The following RANBP6 variants were observed in gnomAD, a reference collection of about 807,000 sequenced individuals.
RANBP6 encodes the protein RAN binding protein 6.
In RANBP6, 10 loss-of-function variants were observed where a neutral mutation model predicts 35.3. That is an observed-to-expected ratio of 0.28 (90% CI 0.17 to 0.48). The LOEUF (loss-of-function observed/expected upper bound fraction) is 0.48, where lower values mean the gene tolerates loss of function less well. Ranked by LOEUF, RANBP6 falls within the 20% of genes least tolerant of loss-of-function variation. RANBP6 has a pLI of 0.99. For synonymous variants in RANBP6, 514 were observed against 464.2 expected, an observed-to-expected ratio of 1.11 and a Z score of -1.38; for missense variants, 1,392 against 1,307.7, an observed-to-expected ratio of 1.06 and a Z score of -0.99.
In RANBP6 at chr9:6,015,594, G is replaced by T. The variant is rs754376396; in HGVS notation, c.14C>A (p.Ala5Glu). ...CACGGTCGCCGGCACCCCTGCAGAC[G>T]CGGTTGCCGCCATTGCGCTCTGTCA... MAATASAGVPATVSE... is the reference protein window; with the variant it reads MAATESAGVPATVSE... The change falls in exon 1 of 1, where the codon GCG becomes GAG. Residue 5 changes from alanine to glutamate, a missense_variant. Transcript: ENST00000259569. 8 of 1,595,812 alleles carry T rather than the reference G, an allele frequency of 5.0e-6. No individual in the cohort carries two copies. In the East Asian group the frequency reaches 1.8e-4, roughly 36 times the overall value.
chr9:6,015,020 T>C lies in RANBP6; in HGVS notation c.588A>G (p.Ala196=). 6.2e-7 allele frequency: 1 copy of C among 1,614,230 alleles called. No individual in the cohort carries two copies. The highest frequency in any genetic ancestry group is 8.5e-7 in the Non-Finnish European group (1 of 1,180,038). ...CAGCTCTAGCGGATAATGTCCTGATTGCTGGATGTTCTTGATCTTGAATAC... is the reference window on the plus strand; with the variant it reads ...CAGCTCTAGCGGATAATGTCCTGATCGCTGGATGTTCTTGATCTTGAATAC... ...DQCIQDQEHP[A]IRTLSARAAA... Residue 196 remains alanine, a synonymous_variant, in exon 1 of 1, where the codon GCA becomes GCG. Transcript: ENST00000259569.
chr9:6,014,162 A>G lies in RANBP6; in HGVS notation c.1446T>C (p.Pro482=). The change falls in exon 1 of 1, where the codon CCT becomes CCC. Residue 482 remains proline, a synonymous_variant. Coordinates refer to ENST00000259569, the MANE Select transcript of RANBP6 (RefSeq NM_012416.4). ...CCACATATAGAACTAGCAATGATTT[A>G]GGGCAGTCTTCAATAAAAATAATAA... is the stretch of plus-strand genomic sequence containing the variant. The part of the protein sequence containing the change: ...SALIIFIEDC[P]KSLLVLYVDS... 1 of 1,613,902 alleles carries G rather than the reference A, an allele frequency of 6.2e-7. No individual in the cohort carries two copies. The highest frequency in any genetic ancestry group is 1.7e-5 in the Admixed American group (1 of 59,988).
At position 6,015,093 on chromosome 9, in the gene RANBP6, G is replaced by C; in HGVS notation, c.515C>G (p.Thr172Ser). The part of the protein sequence containing the change: ...VFWHFPGIFG[T>S]QERHDLDIIK... ...GATATCCAAATCATGCCGCTCTTGG[G>C]TCCCAAAAATCCCAGGAAAGTGCCA... Residue 172 changes from threonine (T) to serine (S), a missense_variant, in exon 1 of 1, where the codon ACC (threonine) becomes AGC (serine). By Grantham distance (58) the Thr-to-Ser change is moderately conservative. Coordinates refer to ENST00000259569, the MANE Select transcript of RANBP6 (RefSeq NM_012416.4). The C allele has an allele frequency of 6.2e-7, 1 of 1,614,092 alleles. No homozygotes were observed. Among genetic ancestry groups the C allele is most frequent in the Non-Finnish European group, 8.5e-7 (1 of 1,180,024 alleles).
chr9:6,014,543 A>T lies in RANBP6; in HGVS notation c.1065T>A (p.Ala355=). ...VAAESALDRL[A]CGLGGKVVLP... ...AAACAACTTTTCCACCAAGCCCACA[A>T]GCCAGTCTGTCTAGTGCACTCTCCG... Residue 355 remains alanine (A), a synonymous_variant, in exon 1 of 1, where the codon GCT becomes GCA. Coordinates refer to ENST00000259569, the MANE Select transcript of RANBP6 (RefSeq NM_012416.4). 1 of 1,614,214 alleles carries T rather than the reference A, an allele frequency of 6.2e-7. No individual in the cohort carries two copies. Among genetic ancestry groups the T allele is most frequent in the Non-Finnish European group, 8.5e-7 (1 of 1,180,032 alleles).
Position 6,015,130 on chromosome 9 carries a change from G to A in RANBP6, c.478C>T (p.Leu160Phe). The change falls in exon 1 of 1, where the codon CTT becomes TTT. Residue 160 changes from leucine (L) to phenylalanine (F), a missense_variant. Coordinates refer to ENST00000259569, the MANE Select transcript of RANBP6 (RefSeq NM_012416.4). Reference sequence around the variant, plus strand: ...CCAGGAAAGTGCCAGAAAACGTGAAGTGCAACTTCCCATAGAACCACATTT... The same window carrying A: ...CCAGGAAAGTGCCAGAAAACGTGAAATGCAACTTCCCATAGAACCACATTT... ...SKNVVLWEVA[L>F]HVFWHFPGIF... 1 of 1,614,116 alleles carries A rather than the reference G, an allele frequency of 6.2e-7. No individual in the cohort carries two copies. The highest frequency in any genetic ancestry group is 8.5e-7 in the Non-Finnish European group (1 of 1,180,034).
In RANBP6 at chr9:6,014,069, A is replaced by G; in HGVS notation, c.1539T>C (p.Thr513=). 6.2e-7 allele frequency: 1 copy of G among 1,614,014 alleles called. No individual in the cohort carries two copies. The highest frequency in any genetic ancestry group is 8.5e-7 in the Non-Finnish European group (1 of 1,179,998). Reference sequence around the variant, plus strand: ...TCACAAGTTGTTCCAAAGCCAACTTAGTTCCATTCCGAATCAACTCTTGAA... The same window carrying G: ...TCACAAGTTGTTCCAAAGCCAACTTGGTTCCATTCCGAATCAACTCTTGAA... The part of the protein sequence containing the change: ...IKLQELIRNG[T]KLALEQLVTT... Residue 513 remains threonine, a synonymous_variant, in exon 1 of 1, where the codon ACT becomes ACC. Coordinates refer to ENST00000259569, the MANE Select transcript of RANBP6 (RefSeq NM_012416.4).
In RANBP6 at chr9:6,014,505, T is replaced by C. The variant is rs1265660834; in HGVS notation, c.1103A>G (p.Lys368Arg). ...LGGKVVLPMT[K>R]EHIMQMLQSP... ...CTGAAGCATCTGCATGATATGCTCCTTGGTCATTGGTAAAACAACTTTTCC... is the reference window on the plus strand; with the variant it reads ...CTGAAGCATCTGCATGATATGCTCCCTGGTCATTGGTAAAACAACTTTTCC... The change falls in exon 1 of 1, where the codon AAG (lysine) becomes AGG (arginine). Residue 368 changes from lysine to arginine, a missense_variant. Transcript: ENST00000259569. 1.2e-6 allele frequency: 2 copies of C among 1,614,218 alleles called. No individual in the cohort carries two copies. Among genetic ancestry groups the C allele is most frequent in the South Asian group, 1.1e-5 (1 of 91,086 alleles).
rs1183150714 is a variant in RANBP6, at chr9:6,014,176, T to C, written c.1432A>G (p.Ile478Val). Residue 478 changes from isoleucine to valine, a missense_variant, in exon 1 of 1, where the codon ATT becomes GTT. By Grantham distance (29) the Ile-to-Val change is conservative. Transcript: ENST00000259569. ...AGCAATGATTTAGGGCAGTCTTCAA[T>C]AAAAATAATAAGAGCAGAAGCTGCA... ...SHAASALIIF[I>V]EDCPKSLLVL... 2 of 1,613,714 alleles carry C rather than the reference T, an allele frequency of 1.2e-6. No homozygotes were observed. Among genetic ancestry groups the C allele is most frequent in the Admixed American group, 1.7e-5 (1 of 59,970 alleles).
rs960279950 is a variant in RANBP6 at position 6,012,686 on chromosome 9, G to C, written c.2922C>G (p.Val974=). The change falls in exon 1 of 1, where the codon GTC becomes GTG. Residue 974 remains valine, a synonymous_variant. Coordinates refer to ENST00000259569, the MANE Select transcript of RANBP6 (RefSeq NM_012416.4). Reference sequence around the variant, plus strand: ...CTGAGATACAGTTCTCTGTAGCAATGACATTTTTTTTGGTTTTGGAATTTG... The same window carrying C: ...CTGAGATACAGTTCTCTGTAGCAATCACATTTTTTTTGGTTTTGGAATTTG... ...KCANSKTKKN[V]IATENCISAI... 1.9e-6 allele frequency: 3 copies of C among 1,613,754 alleles called. No individual in the cohort carries two copies. The highest frequency in any genetic ancestry group is 2.5e-6 in the Non-Finnish European group (3 of 1,179,954).
In RANBP6 at chr9:6,014,285, A is replaced by C; in HGVS notation, c.1323T>G (p.Asn441Lys). Reference protein sequence around the residue: ...LGQMATDFAPNFQKKFHETVI... With the variant: ...LGQMATDFAPKFQKKFHETVI... Reference sequence around the variant, plus strand: ...CTGTTTCATGAAATTTCTTTTGGAAATTAGGTGCAAAATCTGTAGCCATCT... The same window carrying C: ...CTGTTTCATGAAATTTCTTTTGGAACTTAGGTGCAAAATCTGTAGCCATCT... The change falls in exon 1 of 1, where the codon AAT becomes AAG. Residue 441 changes from asparagine to lysine, a missense_variant. Asn to Lys is a moderately conservative substitution (Grantham distance 94). Coordinates refer to ENST00000259569, the MANE Select transcript of RANBP6 (RefSeq NM_012416.4). The C allele has an allele frequency of 1.2e-6, 2 of 1,614,244 alleles. No individual in the cohort carries two copies. The highest frequency in any genetic ancestry group is 1.7e-6 in the Non-Finnish European group (2 of 1,180,044).
chr9:6,011,477 A>G lies in RANBP6; in HGVS notation c.*813T>C, dbSNP rs1842468823. 6.6e-6 allele frequency: 1 copy of G among 152,224 alleles called. No homozygotes were observed. Among genetic ancestry groups the G allele is most frequent in the Admixed American group, 6.5e-5 (1 of 15,286 alleles). 9.4% of individuals were successfully genotyped at this position (152,224 alleles called of 1,614,324 possible). ...TTGTTGAGCTGCTTTGCAGGGAGAA[A>G]ATGGCATACATATACAAAATAATAC... On this transcript the variant is annotated 3_prime_UTR_variant, in exon 1 of 1. Transcript: ENST00000259569.
Position 6,012,154 on chromosome 9 carries a change from C to G in RANBP6, c.*136G>C, listed in dbSNP as rs1842482442. On this transcript the variant is annotated 3_prime_UTR_variant, in exon 1 of 1. Coordinates refer to ENST00000259569, the MANE Select transcript of RANBP6 (RefSeq NM_012416.4). ...AACAGAGGACTAACACTGATTAATTCTGGAGAAACATGGAGAAGAACTATA... is the reference window on the plus strand; with the variant it reads ...AACAGAGGACTAACACTGATTAATTGTGGAGAAACATGGAGAAGAACTATA... 7.6e-6 allele frequency: 5 copies of G among 656,170 alleles called. No homozygotes were observed. In the East Asian group the frequency reaches 1.5e-4, roughly 19 times the overall value. The allele number at this position is 656,170 out of a possible 1,614,324, so 40.6% of individuals were successfully genotyped here.
At position 6,014,639 on chromosome 9, in the gene RANBP6, T is replaced by C. The variant is rs1347165973; in HGVS notation, c.969A>G (p.Leu323=). 3.1e-6 allele frequency: 5 copies of C among 1,614,214 alleles called. No individual in the cohort carries two copies. The highest frequency in any genetic ancestry group is 1.1e-5 in the South Asian group (1 of 91,088). The change falls in exon 1 of 1, where the codon CTA becomes CTG. Residue 323 remains leucine (L), a synonymous_variant. Transcript: ENST00000259569. ...CATTTACCCAGTCCTCATCATCTTG[T>C]AGATCAACCATCATTGCTAATATAT... The part of the protein sequence containing the change: ...VPHILAMMVD[L]QDDEDWVNAD...
chr9:6,015,422 T>C lies in RANBP6; in HGVS notation c.186A>G (p.Ala62=). ...FLLDAVRNRR[A]GYEVRQMAAA... is the part of the protein sequence containing the mutation. ...CAGCCATTTGTCTCACCTCATAACC[T>C]GCTCTTCTATTTCTGACGGCATCTA... is the stretch of plus-strand genomic sequence containing the variant. The change falls in exon 1 of 1, where the codon GCA becomes GCG. Residue 62 remains alanine, a synonymous_variant. Transcript: ENST00000259569. 2 of 1,614,190 alleles carry C rather than the reference T, an allele frequency of 1.2e-6. No individual in the cohort carries two copies. Among genetic ancestry groups the C allele is most frequent in the Non-Finnish European group, 1.7e-6 (2 of 1,180,026 alleles).
rs375623448 is a variant in RANBP6 at position 6,015,612 on chromosome 9, C to T, written c.-5G>A. On this transcript the variant is annotated 5_prime_UTR_variant, in exon 1 of 1. Coordinates refer to ENST00000259569, the MANE Select transcript of RANBP6 (RefSeq NM_012416.4). ...TGCAGACGCGGTTGCCGCCATTGCGCTCTGTCAAAGCTACCGCGACCGGGA... is the reference window on the plus strand; with the variant it reads ...TGCAGACGCGGTTGCCGCCATTGCGTTCTGTCAAAGCTACCGCGACCGGGA... 111 of 1,587,856 alleles carry T rather than the reference C, an allele frequency of 7.0e-5. No individual in the cohort carries two copies. Among genetic ancestry groups the T allele is most frequent in the East Asian group, 1.3e-4 (6 of 44,842 alleles).
rs1288401991 is a variant in RANBP6 at position 6,014,554 on chromosome 9, C to T, written c.1054G>A (p.Asp352Asn). Reference protein sequence around the residue: ...SNAVAAESALDRLACGLGGKV... With the variant: ...SNAVAAESALNRLACGLGGKV... ...CCACCAAGCCCACAAGCCAGTCTGTCTAGTGCACTCTCCGCAGCAACTGCA... is the reference window on the plus strand; with the variant it reads ...CCACCAAGCCCACAAGCCAGTCTGTTTAGTGCACTCTCCGCAGCAACTGCA... Residue 352 changes from aspartate to asparagine, a missense_variant, in exon 1 of 1, where the codon GAC (aspartate) becomes AAC (asparagine). Asp to Asn is a conservative substitution (Grantham distance 23, BLOSUM62 1). Coordinates refer to ENST00000259569, the MANE Select transcript of RANBP6 (RefSeq NM_012416.4). 6.2e-7 allele frequency: 1 copy of T among 1,614,208 alleles called. No individual in the cohort carries two copies. Among genetic ancestry groups the T allele is most frequent in the Admixed American group, 1.7e-5 (1 of 60,030 alleles).
chr9:6,014,066 C>T lies in RANBP6; in HGVS notation c.1542G>A (p.Lys514=). The change falls in exon 1 of 1, where the codon AAG becomes AAA. Residue 514 remains lysine, a synonymous_variant. Coordinates refer to ENST00000259569, the MANE Select transcript of RANBP6 (RefSeq NM_012416.4). ...TTGTCACAAGTTGTTCCAAAGCCAA[C>T]TTAGTTCCATTCCGAATCAACTCTT... is the stretch of plus-strand genomic sequence containing the variant. The part of the protein sequence containing the change: ...KLQELIRNGT[K]LALEQLVTTI... The T allele has an allele frequency of 6.2e-7, 1 of 1,613,948 alleles. No homozygotes were observed. Among genetic ancestry groups the T allele is most frequent in the Non-Finnish European group, 8.5e-7 (1 of 1,179,964 alleles).
Position 6,013,554 on chromosome 9 carries a change from G to A in RANBP6, c.2054C>T (p.Ala685Val). The A allele has an allele frequency of 1.2e-6, 2 of 1,614,198 alleles. No individual in the cohort carries two copies. Among genetic ancestry groups the A allele is most frequent in the Non-Finnish European group, 1.7e-6 (2 of 1,180,024 alleles). Residue 685 changes from alanine to valine, a missense_variant, in exon 1 of 1, where the codon GCA becomes GTA. Transcript: ENST00000259569. Reference sequence around the variant, plus strand: ...CAACATTTGGCAAGCAGTTGCTTTTGCTTCAAGTCCTGAAGTTTTAATTCC... The same window carrying A: ...CAACATTTGGCAAGCAGTTGCTTTTACTTCAAGTCCTGAAGTTTTAATTCC... The part of the protein sequence containing the change: ...SFGIKTSGLE[A>V]KATACQMLVY...
rs765883414 is a variant in RANBP6 at position 6,013,269 on chromosome 9, G to C, written c.2339C>G (p.Ser780Cys). 1 of 1,614,118 alleles carries C rather than the reference G, an allele frequency of 6.2e-7. No homozygotes were observed. The highest frequency in any genetic ancestry group is 8.5e-7 in the Non-Finnish European group (1 of 1,180,024). ...CATAACTTCAATGGACTTTGCAAAA[G>C]AATTCATTATTTCTGAGAGCACATC... ...DTDVLSEIMN[S>C]FAKSIEVMGD... Residue 780 changes from serine to cysteine, a missense_variant, in exon 1 of 1, where the codon TCT becomes TGT. Physicochemically the swap from Ser to Cys is moderately radical, Grantham distance 112. Transcript: ENST00000259569.
Sources: allele counts gnomAD v4.1 joint callset, GRCh38; gene constraint gnomAD v4.1.1; transcripts MANE v1.5; gene names NCBI Gene and HGNC (gene_info 2026-07-23, HGNC 2026-07-21).